Variants in ELAVL2 observed in about 807,000 individuals in gnomAD.
The protein encoded by ELAVL2 is ELAV-like protein 2.
In ELAVL2, 4 loss-of-function variants were observed where a neutral mutation model predicts 34.6. That is an observed-to-expected ratio of 0.12 (90% CI 0.06 to 0.26). ELAVL2 has a LOEUF of 0.26. ELAVL2 is among the 10% of genes least tolerant of loss of function. ELAVL2 has a pLI of 1.00. For missense variants in ELAVL2, 432 were observed against 442.8 expected (o/e 0.98, Z 0.22); for synonymous variants, 193 against 154.8 (o/e 1.25, Z -1.83).
chr9:23,797,945 A>G (rs1400382708), intron 1 of ELAVL2, among the ~76,000 whole-genome samples: 1 of 151,402 alleles, frequency 6.6e-6, no homozygotes, highest in African/African-American at 2.5e-5. Flanking sequence ...AAAAAAAAGA[A>G]AAGAAAAGAA....
rs2055188091 is a variant in ELAVL2 at position 23,762,213 on chromosome 9, C to T, written c.22G>A (p.Gly8Arg). 6.2e-7 allele frequency: 1 copy of T among 1,613,476 alleles called. No homozygotes were observed. Among genetic ancestry groups the T allele is most frequent in the Non-Finnish European group, 8.5e-7 (1 of 1,179,578 alleles). Residue 8 changes from glycine to arginine, a missense_variant, in exon 2 of 7, where the codon GGG becomes AGG. Physicochemically the swap from Gly to Arg is moderately radical, Grantham distance 125 (BLOSUM62 -2). Around this residue, in one of 3 missense-constraint regions of ELAVL2, gnomAD observed 132 missense variants for 118.3 expected, o/e 1.12. Coordinates refer to ENST00000397312, the MANE Select transcript of ELAVL2 (RefSeq NM_004432.5). Reference sequence around the variant, plus strand: ...TTGGCTGTGTTATTGCAAGTTGGCCCATTAGACAGTTGTGTTTCCATGGCA... The same window carrying T: ...TTGGCTGTGTTATTGCAAGTTGGCCTATTAGACAGTTGTGTTTCCATGGCA... The part of the protein sequence containing the change: METQLSN[G>R]PTCNNTANGP...
At chr9:23,728,599 C>G (rs932591629) in intron 3 of ELAVL2, among the ~76,000 whole-genome samples, 3 of 151,920 alleles carry the variant, frequency 2.0e-5, no homozygotes, top group Non-Finnish European at 4.4e-5. Flanking sequence ...ACAGCCATCA[C>G]CAGTATAGAT....
intron 1 of ELAVL2, among the ~76,000 whole-genome samples, chr9:23,791,682 CCTT>C (rs1463297467): frequency 1.3e-5 from 2 of 152,198 alleles, no homozygotes; most frequent in African/African-American, 4.8e-5. Context: ...AATGATTTCT[CCTT>C]CTTTACATAC....
upstream of ELAVL2, among the ~76,000 whole-genome samples, chr9:23,826,543 T>G (rs1228295035): frequency 6.6e-6 from 1 of 152,178 alleles, no homozygotes; most frequent in Non-Finnish European, 1.5e-5. Context: ...AGGTACACTC[T>G]TAACACTGGC....
At chr9:23,703,244 C>T (rs1466591109) in intron 4 of ELAVL2, among the ~76,000 whole-genome samples, 1 of 152,114 alleles carries the variant, frequency 6.6e-6, no homozygotes, top group Non-Finnish European at 1.5e-5. Context: ...ATAGGTGAAA[C>T]CTACTCTCAA....
Position 23,735,769 on chromosome 9 carries a change from C to T in ELAVL2, c.230-4644G>A, listed in dbSNP as rs184271096. Among the ~76,000 whole-genome samples, 218 of 152,246 alleles carry T rather than the reference C, an allele frequency of 1.4e-3. 1 individual carries two copies. The highest frequency in any genetic ancestry group is 0.014 in the Middle Eastern group (4 of 294). On this transcript the variant is annotated intron_variant, in intron 2 of 6. Coordinates refer to ENST00000397312, the MANE Select transcript of ELAVL2 (RefSeq NM_004432.5). The stretch of plus-strand genomic sequence containing the variant: ...TAAGATGCTCCTGGCACAAGGAGAA[C>T]AGTTATAAACAGGCTGGTAGAAATC...
intron 1 of ELAVL2, among the ~76,000 whole-genome samples, chr9:23,815,633 G>C (rs2063598984): frequency 6.6e-6 from 1 of 152,162 alleles, no homozygotes; most frequent in Non-Finnish European, 1.5e-5. Flanking sequence ...TGGTCCTTGA[G>C]ATGGGGAGGG....
chr9:23,732,516 A>G (rs866273727), intron 2 of ELAVL2, among the ~76,000 whole-genome samples: 2 of 152,228 alleles, frequency 1.3e-5, no homozygotes, highest in African/African-American at 4.8e-5. Context: ...AGTTCTAGTA[A>G]AGAGTCACAT....
At chr9:23,775,935 C>A (rs2058112816) in intron 1 of ELAVL2, among the ~76,000 whole-genome samples, 1 of 152,168 alleles carries the variant, frequency 6.6e-6, no homozygotes, top group South Asian at 2.1e-4. Flanking sequence ...ACTCTGTGTG[C>A]TCCTATATGC....
Position 23,749,549 on chromosome 9 carries a change from T to C in ELAVL2, c.229+12457A>G, listed in dbSNP as rs189956160. The stretch of plus-strand genomic sequence containing the variant: ...TATAAACAGGGCACAAAATCCAAGG[T>C]GGCATAATCCAAGGTGGTTATATCT... On this transcript the variant is annotated intron_variant, in intron 2 of 6. Transcript: ENST00000397312. Among the ~76,000 whole-genome samples, 4 of 152,208 alleles carry C rather than the reference T, an allele frequency of 2.6e-5. No homozygotes were observed. The East Asian group carries it at 7.7e-4, about 29-fold the overall frequency.
At chr9:23,836,409 C>G in the ELAVL2 span, among the ~76,000 whole-genome samples, 17 of 152,202 alleles carry the variant, frequency 1.1e-4, no homozygotes, top group African/African-American at 4.1e-4. Flanking sequence ...CAATAAAAAA[C>G]TTTCTTTTAT....
chr9:23,806,285 C>A (rs2062209025), intron 1 of ELAVL2, among the ~76,000 whole-genome samples: 1 of 152,104 alleles, frequency 6.6e-6, no homozygotes, highest in Non-Finnish European at 1.5e-5. Flanking sequence ...GTAACATTTA[C>A]CTTCAGCATA....
intron 2 of ELAVL2, among the ~76,000 whole-genome samples, chr9:23,754,580 T>C (rs1410880756): frequency 1.3e-5 from 2 of 152,224 alleles, no homozygotes; most frequent in East Asian, 3.9e-4. Context: ...CACCTCAGCC[T>C]TGTGAGTACC....
At chr9:23,732,369 G>T (rs1187548105) in intron 2 of ELAVL2, among the ~76,000 whole-genome samples, 1 of 152,130 alleles carries the variant, frequency 6.6e-6, no homozygotes, top group Non-Finnish European at 1.5e-5. Flanking sequence ...ACCACAATCA[G>T]AATTTTGGAT....
intron 5 of ELAVL2, among the ~76,000 whole-genome samples, chr9:23,695,875 G>A (rs1028006883): frequency 6.6e-6 from 1 of 152,154 alleles, no homozygotes; most frequent in Non-Finnish European, 1.5e-5. Context: ...ATGCATGACT[G>A]TACATGCAGT....
rs181701833 is a variant in ELAVL2 at position 23,803,268 on chromosome 9, G to A, written c.-16+22538C>T. ...AAAATTTTTACATAAACATTGTCGG[G>A]GAAACATGAATATAACTGTATATTC... On this transcript the variant is annotated intron_variant, in intron 1 of 6. Transcript: ENST00000397312. Among the ~76,000 whole-genome samples the A allele has an allele frequency of 3.5e-3, 540 of 152,142 alleles. 3 individuals are homozygous for A. Among genetic ancestry groups the A allele is most frequent in the Middle Eastern group, 0.01 (3 of 294 alleles).
chr9:23,731,085 G>T lies in ELAVL2; in HGVS notation c.270C>A (p.Pro90=), dbSNP rs372329307. The change falls in exon 3 of 7, where the codon CCC becomes CCA. Residue 90 remains proline (P), a synonymous_variant. Transcript: ENST00000397312. ...LGYGFVNYID[P]KDAEKAINTL... is the part of the protein sequence containing the mutation. ...TGTTGATAGCTTTCTCTGCATCCTT[G>T]GGGTCAATGTAGTTCACAAAGCCAT... The T allele has an allele frequency of 4.0e-5, 64 of 1,612,992 alleles. No homozygotes were observed. Among genetic ancestry groups the T allele is most frequent in the Non-Finnish European group, 5.2e-5 (61 of 1,179,438 alleles).
At chr9:23,770,214 T>C (rs1216286795) in intron 1 of ELAVL2, among the ~76,000 whole-genome samples, 2 of 152,010 alleles carry the variant, frequency 1.3e-5, no homozygotes, top group African/African-American at 2.4e-5. Context: ...AAGAGTGCTG[T>C]GGAATACATA....
At chr9:23,693,088 T>A (rs1173833797) in intron 6 of ELAVL2, among the ~76,000 whole-genome samples, 2 of 152,226 alleles carry the variant, frequency 1.3e-5, no homozygotes, top group Admixed American at 6.5e-5. Flanking sequence ...ATTAATAAGT[T>A]ATGAAATGAC....
Sources: gnomAD v4.1 joint callset for allele counts (sites outside exome capture counted in the v4.1 genomes callset) on GRCh38, gnomAD v4.1.1 for gene constraint, gnomAD v4.1.1 regional missense constraint, MANE v1.5 for transcripts, NCBI Gene and HGNC (gene_info 2026-07-23, HGNC 2026-07-21) for gene names.